The following MLH3 variants were observed in gnomAD, a reference collection of about 807,000 sequenced individuals.
The protein encoded by MLH3 is mutL homolog 3.
A neutral mutation model predicts 122.2 loss-of-function variants in MLH3; 82 were observed. That is an observed-to-expected ratio of 0.67 (90% CI 0.56 to 0.81). The LOEUF is 0.81. Ranked by LOEUF, MLH3 falls within the 30% of genes least tolerant of loss-of-function variation. The pLI is 0.00. For missense variants in MLH3, 1,539 were observed against 1,714.5 expected (o/e 0.90, Z 1.81); for synonymous variants, 524 against 599.5 (o/e 0.87, Z 1.84).
intron 11 of MLH3, among the ~76,000 whole-genome samples, chr14:75,019,965 G>A (rs1890167055): frequency 6.6e-6 from 1 of 152,098 alleles, no homozygotes; most frequent in South Asian, 2.1e-4. Flanking sequence ...ATAAAATACA[G>A]GATATGAATA....
At chr14:75,039,127 G>A (rs1891630432) in intron 5 of MLH3, among the ~76,000 whole-genome samples, 2 of 152,202 alleles carry the variant, frequency 1.3e-5, no homozygotes, top group Admixed American at 6.5e-5. Context: ...AAAGTGCTGG[G>A]ATTACAGGCG....
chr14:75,042,534 T>C (rs1277722641), intron 2 of MLH3, 57 bp from the exon 3 acceptor site: 1 of 1,376,390 alleles, frequency 7.3e-7, no homozygotes, highest in Admixed American at 1.7e-5. Context: ...GTAAACTCTT[T>C]AAAAATTTAA....
In MLH3 at chr14:75,042,414, C is replaced by G. The variant is rs78311619; in HGVS notation, c.3344G>C (p.Arg1115Pro). ...DLVLPFLPRA[R>P]AERTVMRQDN... ...CTGTCTCATCACAGTCCTCTCTGCT[C>G]GAGCTCTCGGAAGGAAAGGAAGAAC... Residue 1115 changes from arginine to proline, a missense_variant, in exon 3 of 13, where the codon CGA (arginine) becomes CCA (proline). Physicochemically the swap from Arg to Pro is moderately radical, Grantham distance 103 (BLOSUM62 -2). Transcript: ENST00000355774. The G allele has an allele frequency of 7.4e-6, 12 of 1,614,018 alleles. No individual in the cohort carries two copies. The highest frequency in any genetic ancestry group is 1.0e-5 in the Non-Finnish European group (12 of 1,180,014).
intron 1 of MLH3, chr14:75,050,824 A>G (rs1243311353): frequency 6.6e-6 from 1 of 152,296 alleles, no homozygotes; most frequent in Non-Finnish European, 1.5e-5. Context: ...AAACACAAAA[A>G]CAAAAAACAA....
intron 4 of MLH3, 112 bp from the exon 5 acceptor site, chr14:75,040,127 G>A: frequency 1.7e-6 from 1 of 604,366 alleles, no homozygotes; most frequent in South Asian, 1.5e-5. Flanking sequence ...CCTACTAGAG[G>A]TGGGTTTAAT....
At position 75,046,672 on chromosome 14, in the gene MLH3, A is replaced by G. The variant is rs770167451; in HGVS notation, c.2984T>C (p.Ile995Thr). Residue 995 changes from isoleucine (I) to threonine (T), a missense_variant, in exon 2 of 13, where the codon ATA (isoleucine) becomes ACA (threonine). Coordinates refer to ENST00000355774, the MANE Select transcript of MLH3 (RefSeq NM_001040108.2). ...TCCACTGGGAGAGTCAAGACTTCCT[A>G]TCTGTTGTTCTGAGGCTCTGATAAG... ...DVLIRASEQQ[I>T]GSLDSPSGML... 6 of 1,614,172 alleles carry G rather than the reference A, an allele frequency of 3.7e-6. No individual in the cohort carries two copies. The highest frequency in any genetic ancestry group is 1.6e-4 in the Middle Eastern group (1 of 6,062).
At chr14:75,025,801 C>T (rs1038831534) in intron 9 of MLH3, among the ~76,000 whole-genome samples, 1 of 152,222 alleles carries the variant, frequency 6.6e-6, no homozygotes, top group Non-Finnish European at 1.5e-5. Context: ...CTAAACCCAC[C>T]TTCACGATGG....
Position 75,047,558 on chromosome 14 carries a change from C to A in MLH3, c.2098G>T (p.Gly700Cys), listed in dbSNP as rs760523617. Reference protein sequence around the residue: ...TYTMFSAFQEGSKKSQTDCIL... With the variant: ...TYTMFSAFQECSKKSQTDCIL... Reference sequence around the variant, plus strand: ...CAATCTGTTTGTGATTTTTTGCTACCTTCCTGAAAAGCAGAAAACATTGTA... The same window carrying A: ...CAATCTGTTTGTGATTTTTTGCTACATTCCTGAAAAGCAGAAAACATTGTA... Residue 700 changes from glycine (G) to cysteine (C), a missense_variant, in exon 2 of 13, where the codon GGT becomes TGT. Coordinates refer to ENST00000355774, the MANE Select transcript of MLH3 (RefSeq NM_001040108.2). The A allele has an allele frequency of 6.2e-7, 1 of 1,613,950 alleles. No homozygotes were observed. Among genetic ancestry groups the A allele is most frequent in the Admixed American group, 1.7e-5 (1 of 60,006 alleles).
At position 75,048,109 on chromosome 14, in the gene MLH3, C is replaced by G. The variant is rs1892390137; in HGVS notation, c.1547G>C (p.Cys516Ser). 1.2e-6 allele frequency: 2 copies of G among 1,614,066 alleles called. No homozygotes were observed. The highest frequency in any genetic ancestry group is 1.3e-5 in the African/African-American group (1 of 74,936). The change falls in exon 2 of 13, where the codon TGT (cysteine) becomes TCT (serine). Residue 516 changes from cysteine (C) to serine (S), a missense_variant. Transcript: ENST00000355774. ...ATCCTGCCCACTCTCCTCAAAGTGA[C>G]ATGGTGTCTGAAAAGGGCTTAAAAA... is the stretch of plus-strand genomic sequence containing the variant. The part of the protein sequence containing the change: ...EMFLSPFQTP[C>S]HFEESGQDLE...
intron 7 of MLH3, 52 bp from the exon 8 acceptor site, chr14:75,032,231 T>C (rs1384932742): frequency 1.9e-6 from 2 of 1,062,162 alleles, no homozygotes; most frequent in Non-Finnish European, 3.0e-6. Context: ...GTCTTCTAGA[T>C]TCAGATAAAA....
At chr14:75,024,600 T>A (rs1344865444) in intron 9 of MLH3, among the ~76,000 whole-genome samples, 1 of 152,234 alleles carries the variant, frequency 6.6e-6, no homozygotes, top group African/African-American at 2.4e-5. Context: ...CTCCACCTCC[T>A]CACCAGGCTA....
intron 9 of MLH3, among the ~76,000 whole-genome samples, chr14:75,028,050 T>A (rs1164513737): frequency 3.4e-5 from 5 of 149,154 alleles, no homozygotes; most frequent in African/African-American, 1.2e-4. Flanking sequence ...CAGAAAACTA[T>A]AATAGAAAAC....
chr14:75,049,175 A>G lies in MLH3; in HGVS notation c.481T>C (p.Cys161Arg), dbSNP rs368724856. 50 of 1,614,028 alleles carry G rather than the reference A, an allele frequency of 3.1e-5. No individual in the cohort carries two copies. Among genetic ancestry groups the G allele is most frequent in the Non-Finnish European group, 4.0e-5 (47 of 1,180,028 alleles). ...LFYQLPVRRK[C>R]MDPRLEFEKV... ...TCAAACTCCAGTCTAGGGTCCATGC[A>G]TTTCCTCCTTACAGGAAGCTGGTAA... The change falls in exon 2 of 13, where the codon TGC becomes CGC. Residue 161 changes from cysteine to arginine, a missense_variant. By Grantham distance (180) the Cys-to-Arg change is radical. Coordinates refer to ENST00000355774, the MANE Select transcript of MLH3 (RefSeq NM_001040108.2).
chr14:75,014,368 C>A lies in MLH3; in HGVS notation c.*2714G>T, dbSNP rs1460717682. On this transcript the variant is annotated 3_prime_UTR_variant, in exon 13 of 13. Transcript: ENST00000355774. ...GTTCTGGATGTTACCCAAGCCCCCT[C>A]CCCATTCTCCAGCTTCATTCTAGCC... The A allele has an allele frequency of 5.6e-6, 1 of 177,168 alleles. No individual in the cohort carries two copies. The highest frequency in any genetic ancestry group is 1.2e-5 in the Non-Finnish European group (1 of 82,420). 11.0% of individuals were successfully genotyped at this position (177,168 alleles called of 1,614,324 possible). A position where few individuals can be genotyped will look rare whatever the true frequency, so the allele number is the denominator to read the frequency against.
At chr14:75,021,852 C>A (rs1231037187) in intron 11 of MLH3, among the ~76,000 whole-genome samples, 4 of 152,180 alleles carry the variant, frequency 2.6e-5, no homozygotes, top group Non-Finnish European at 5.9e-5. Flanking sequence ...AAACAGAAAT[C>A]ATTCTACCAT....
chr14:75,042,319 T>G, intron 3 of MLH3, 60 bp downstream of exon 3: 1 of 1,448,184 alleles, frequency 6.9e-7, no homozygotes, highest in Non-Finnish European at 9.7e-7. Flanking sequence ...GCCTGCTTTG[T>G]TTTTTGAGTT....
intron 9 of MLH3, among the ~76,000 whole-genome samples, chr14:75,024,542 T>C (rs1372636912): frequency 6.6e-6 from 1 of 152,190 alleles, no homozygotes. Context: ...CGTAGTCTCG[T>C]TGTTGCCCAG....
Position 75,048,466 on chromosome 14 carries a change from ATAT to A in MLH3, c.1187_1189del (p.Asn396del). 12 of 1,612,554 alleles carry A rather than the reference ATAT, an allele frequency of 7.4e-6. No homozygotes were observed. The highest frequency in any genetic ancestry group is 1.3e-5 in the African/African-American group (1 of 74,964). On this transcript the variant is annotated inframe_deletion, in exon 2 of 13. Coordinates refer to ENST00000355774, the MANE Select transcript of MLH3 (RefSeq NM_001040108.2). ...ATTAAACATCTCATAGGAATCTAAA[ATAT>A]TATTACATGCTTCCTGGAAATTGCT... is the stretch of plus-strand genomic sequence containing the variant.
intron 3 of MLH3, 122 bp from the exon 4 acceptor site, chr14:75,041,822 C>G (rs1891878815): frequency 1.4e-6 from 1 of 738,838 alleles, no homozygotes. Flanking sequence ...TTTCTATGTT[C>G]TACAAATGTT....
Sources: gnomAD v4.1 joint callset for allele counts (sites outside exome capture counted in the v4.1 genomes callset) on GRCh38, gnomAD v4.1.1 for gene constraint, MANE v1.5 for transcripts, NCBI Gene and HGNC (gene_info 2026-07-23, HGNC 2026-07-21) for gene names.